ZBTB10: variants seen among roughly 807,000 people sequenced by gnomAD.
ZBTB10 encodes the protein zinc finger and BTB domain containing 10, also known as zinc finger and BTB domain-containing protein 10.
Under a neutral mutation model 76.4 loss-of-function variants are expected in ZBTB10, and 32 were observed. That is an observed-to-expected ratio of 0.42 (90% confidence interval 0.32 to 0.56). The LOEUF (loss-of-function observed/expected upper bound fraction) is 0.56. Among genes scored for constraint, ZBTB10 ranks in the 20% least tolerant of loss-of-function variants. The probability of loss-of-function intolerance (pLI) is 0.14; values close to 1 mark genes in which losing one functional copy is unlikely to be tolerated. For missense variants in ZBTB10, 1,057 were observed against 1,098.5 expected (o/e 0.96, Z 0.53); for synonymous variants, 523 against 432.9 (o/e 1.21, Z -2.58).
chr8:80,496,515 G>C (rs1463535027), intron 1 of ZBTB10, among the ~76,000 whole-genome samples: 1 of 150,242 alleles, frequency 6.7e-6, no homozygotes, highest in Non-Finnish European at 1.5e-5. Context: ...ATAGTAATGA[G>C]AAAAAAAAAT....
rs1816474078 is a variant in ZBTB10 at position 80,522,722 on chromosome 8, A to G, written c.*3194A>G. ...GAACACTGGTACATAATAGGTGCAT[A>G]ACACATCTTAAAGTTGTTTAATAAT... On this transcript the variant is annotated 3_prime_UTR_variant, in exon 6 of 6. Transcript: ENST00000455036. 1.3e-5 allele frequency: 2 copies of G among 151,920 alleles called. No individual in the cohort carries two copies. Among genetic ancestry groups the G allele is most frequent in the African/African-American group, 2.4e-5 (1 of 41,424 alleles). The allele number at this position is 151,920 out of a possible 1,614,324, so 9.4% of individuals were successfully genotyped here.
Position 80,494,067 on chromosome 8 carries a change from T to G in ZBTB10, c.973-5427T>G, listed in dbSNP as rs937615069. On this transcript the variant is annotated intron_variant, in intron 1 of 5. Transcript: ENST00000455036. ...CTTGCTATGGCCTTGTTTGTCTTCCTTCTATAAAATGAATTTGTTCTAAAA... is the reference window on the plus strand; with the variant it reads ...CTTGCTATGGCCTTGTTTGTCTTCCGTCTATAAAATGAATTTGTTCTAAAA... Among the ~76,000 whole-genome samples the G allele has an allele frequency of 3.3e-5, 5 of 152,244 alleles. No individual in the cohort carries two copies. In the East Asian group the frequency reaches 7.7e-4, roughly 23 times the overall value.
Position 80,487,125 on chromosome 8 carries a change from G to T in ZBTB10, c.315G>T (p.Ser105=), listed in dbSNP as rs1815490331. The change falls in exon 1 of 6, where the codon TCG becomes TCT. Residue 105 remains serine, a synonymous_variant. Coordinates refer to ENST00000455036, the MANE Select transcript of ZBTB10 (RefSeq NM_001105539.3). ...LLPQDAGGPT[S]LGGGAGGPLL... is the part of the protein sequence containing the mutation. ...CCCAAGACGCGGGCGGCCCCACCTC[G>T]CTTGGCGGTGGCGCGGGGGGCCCCC... 1.3e-6 allele frequency: 2 copies of T among 1,515,680 alleles called. No homozygotes were observed. The highest frequency in any genetic ancestry group is 1.8e-6 in the Non-Finnish European group (2 of 1,136,076). The allele number at this position is 1,515,680 out of a possible 1,614,324, so 93.9% of individuals were successfully genotyped here.
chr8:80,503,351 C>T (rs577548071), intron 2 of ZBTB10, among the ~76,000 whole-genome samples: 18 of 152,090 alleles, frequency 1.2e-4, no homozygotes, highest in African/African-American at 1.7e-4. Flanking sequence ...ATGGTCTTAG[C>T]CTCAGCTTGA....
upstream of ZBTB10, chr8:80,485,907 G>C (rs976154880): frequency 3.3e-5 from 51 of 1,532,206 alleles, no homozygotes; most frequent in Non-Finnish European, 4.0e-5. Context: ...GCGGGGAGGC[G>C]GCCAGACCCT....
At position 80,486,588 on chromosome 8, in the gene ZBTB10, C is replaced by T. The variant is rs1372025460; in HGVS notation, c.-223C>T. ...CGGGGGTGGAGGACGAGAGAGCGGT[C>T]GGAGGCGTCGGCCCGGCAGCGGCAG... On this transcript the variant is annotated 5_prime_UTR_variant, in exon 1 of 6. Coordinates refer to ENST00000455036, the MANE Select transcript of ZBTB10 (RefSeq NM_001105539.3). 3.0e-6 allele frequency: 3 copies of T among 986,324 alleles called. No homozygotes were observed. The highest frequency in any genetic ancestry group is 4.7e-5 in the South Asian group (1 of 21,298). The allele number at this position is 986,324 out of a possible 1,614,324, so 61.1% of individuals were successfully genotyped here.
At chr8:80,500,911 G>A (rs1182908247) in intron 2 of ZBTB10, among the ~76,000 whole-genome samples, 1 of 152,180 alleles carries the variant, frequency 6.6e-6, no homozygotes, top group East Asian at 1.9e-4. Context: ...TTGAGTCGGA[G>A]TCTCACTCTA....
In ZBTB10 at chr8:80,510,062, A is replaced by C; in HGVS notation, c.1862-3848A>C. Among the ~76,000 whole-genome samples the C allele has an allele frequency of 1.3e-5, 2 of 152,212 alleles. 1 individual carries two copies. Among genetic ancestry groups the C allele is most frequent in the Non-Finnish European group, 2.9e-5 (2 of 68,042 alleles). On this transcript the variant is annotated intron_variant, in intron 2 of 5. Transcript: ENST00000455036. ...AGGAGATTGCTTTAAAGTAGACAAA[A>C]AGTATTACTGTAAAGAGCAATGATA...
rs757637863 is a variant in ZBTB10, at chr8:80,524,403, G to A, written c.*4875G>A. 15 of 151,960 alleles carry A rather than the reference G, an allele frequency of 9.9e-5. No individual in the cohort carries two copies. Among genetic ancestry groups the A allele is most frequent in the Non-Finnish European group, 1.9e-4 (13 of 67,930 alleles). 9.4% of individuals were successfully genotyped at this position (151,960 alleles called of 1,614,324 possible). ...TAATTTACATTTGTGCATAATCTTG[G>A]AAATGGGTTGAAAAGCAAAGGTAAA... On this transcript the variant is annotated 3_prime_UTR_variant, in exon 6 of 6. Transcript: ENST00000455036.
At chr8:80,506,572 CA>C (rs1199451718) in intron 2 of ZBTB10, among the ~76,000 whole-genome samples, 14,110 of 133,608 alleles carry the variant, frequency 0.11, 1,466 homozygotes, top group African/African-American at 0.24. Context: ...ACCCCCCCCC[CA>C]ACCCCCGCCT....
intron 2 of ZBTB10, among the ~76,000 whole-genome samples, chr8:80,501,826 A>G (rs1310685456): frequency 6.6e-6 from 1 of 152,250 alleles, no homozygotes; most frequent in Non-Finnish European, 1.5e-5. Flanking sequence ...TTAAGGGTAG[A>G]TAGACTCCTT....
intron 2 of ZBTB10, among the ~76,000 whole-genome samples, chr8:80,502,249 GTT>G (rs1179517333): frequency 2.6e-5 from 4 of 152,042 alleles, no homozygotes; most frequent in Non-Finnish European, 5.9e-5. Context: ...TTGTTTGTTT[GTT>G]TTTAAACGGA....
intron 1 of ZBTB10, among the ~76,000 whole-genome samples, chr8:80,497,683 CTTTTTTTTTTTT>C (rs397891910): frequency 1.4e-4 from 12 of 87,650 alleles, no homozygotes; most frequent in East Asian, 1.0e-3. Flanking sequence ...GTCCTGGAAT[CTTTTTTTTTTTT>C]TTTTTTTTTT....
chr8:80,507,316 A>G (rs1241220057), intron 2 of ZBTB10, among the ~76,000 whole-genome samples: 1 of 149,212 alleles, frequency 6.7e-6, no homozygotes, highest in African/African-American at 2.5e-5. Context: ...CAAAAGAAGA[A>G]AAGAAAAAAA....
At position 80,490,513 on chromosome 8, in the gene ZBTB10, C is replaced by T. The variant is rs189683191; in HGVS notation, c.972+2731C>T. On this transcript the variant is annotated intron_variant, in intron 1 of 5. Transcript: ENST00000455036. ...TGACCTCCCCAAAATGCTGGGATTA[C>T]AGGTGTGAGCCACTGAGCCTGGCCG... Among the ~76,000 whole-genome samples, 7 of 152,296 alleles carry T rather than the reference C, an allele frequency of 4.6e-5. No homozygotes were observed. The South Asian group carries it at 1.0e-3, about 23-fold the overall frequency.
chr8:80,496,742 T>C (rs1160032732), intron 1 of ZBTB10, among the ~76,000 whole-genome samples: 4 of 152,216 alleles, frequency 2.6e-5, no homozygotes, highest in Admixed American at 6.5e-5. Flanking sequence ...CTGAAGTGTT[T>C]TCAACTGCTT....
In ZBTB10 at chr8:80,487,664, T is replaced by C. The variant is rs1298430220; in HGVS notation, c.854T>C (p.Val285Ala). ...CQKTPADGGS[V>A]DLPPVGHDEL... ...AAGACCCCTGCAGATGGGGGAAGCG[T>C]GGACCTTCCCCCAGTGGGGCATGAT... The change falls in exon 1 of 6, where the codon GTG becomes GCG. Residue 285 changes from valine (V) to alanine (A), a missense_variant. Physicochemically the swap from Val to Ala is moderately conservative, Grantham distance 64 (BLOSUM62 0). Transcript: ENST00000455036. 2 of 1,613,768 alleles carry C rather than the reference T, an allele frequency of 1.2e-6. No homozygotes were observed. Among genetic ancestry groups the C allele is most frequent in the African/African-American group, 2.7e-5 (2 of 74,886 alleles).
upstream of ZBTB10, chr8:80,485,726 C>G: frequency 6.7e-7 from 1 of 1,488,560 alleles, no homozygotes; most frequent in East Asian, 2.5e-5. Context: ...CTGGTCCAGT[C>G]TTTGTGAAGG....
intron 2 of ZBTB10, among the ~76,000 whole-genome samples, chr8:80,513,224 C>T (rs1182641255): frequency 2.0e-5 from 3 of 152,168 alleles, no homozygotes; most frequent in Non-Finnish European, 4.4e-5. Context: ...TCACTGTAGC[C>T]TCTGCCTCCC....
Sources: gnomAD v4.1 joint callset for allele counts (sites outside exome capture counted in the v4.1 genomes callset) on GRCh38, gnomAD v4.1.1 for gene constraint, MANE v1.5 for transcripts, NCBI Gene and HGNC (gene_info 2026-07-23, HGNC 2026-07-21) for gene names.